The following SGCZ variants were observed in gnomAD, a reference collection of about 807,000 sequenced individuals.
The protein encoded by SGCZ is sarcoglycan zeta.
In SGCZ, 40 loss-of-function variants were observed where a neutral mutation model predicts 41.3. The ratio of observed to expected loss-of-function variants is 0.97; its 90% CI spans 0.75 to 1.26. SGCZ has a LOEUF of 1.26. Among genes scored for constraint, SGCZ ranks in the 50% most tolerant of loss-of-function variants. The probability of loss-of-function intolerance (pLI) is 0.00; values close to 1 mark genes in which losing one functional copy is unlikely to be tolerated. For synonymous variants in SGCZ, 206 were observed against 137.5 expected, an observed-to-expected ratio of 1.50 and a Z score of -3.49; for missense variants, 552 against 369.8, an observed-to-expected ratio of 1.49 and a Z score of -4.04.
chr8:14,923,549 G>A (rs1292098597), intron 1 of SGCZ, among the ~76,000 whole-genome samples: 1 of 152,060 alleles, frequency 6.6e-6, no homozygotes. Flanking sequence ...TATTCATGGT[G>A]TCCCTATCTG....
chr8:14,411,344 A>G (rs1317060821), intron 2 of SGCZ, among the ~76,000 whole-genome samples: 1 of 152,188 alleles, frequency 6.6e-6, no homozygotes, highest in Non-Finnish European at 1.5e-5. Context: ...GTTTTTAGTC[A>G]TCAGATATAT....
intron 1 of SGCZ, among the ~76,000 whole-genome samples, chr8:14,831,924 T>C (rs973958624): frequency 5.9e-5 from 9 of 151,754 alleles, no homozygotes; most frequent in Non-Finnish European, 1.0e-4. Flanking sequence ...AAACAGTACA[T>C]ACACCTAATT....
intron 3 of SGCZ, among the ~76,000 whole-genome samples, chr8:14,277,139 TCA>T (rs1282717028): frequency 1.3e-5 from 2 of 152,192 alleles, no homozygotes; most frequent in Non-Finnish European, 2.9e-5. Context: ...TGGTTTCCTC[TCA>T]CATATTAAAT....
intron 1 of SGCZ, among the ~76,000 whole-genome samples, chr8:14,908,536 G>T (rs1051454848): frequency 2.0e-5 from 3 of 152,120 alleles, no homozygotes; most frequent in Non-Finnish European, 2.9e-5. Flanking sequence ...AGGATCACGA[G>T]ATCAGCAGTT....
intron 1 of SGCZ, among the ~76,000 whole-genome samples, chr8:14,813,906 T>C (rs569270809): frequency 9.8e-5 from 15 of 152,286 alleles, no homozygotes; most frequent in African/African-American, 2.9e-4. Flanking sequence ...TGAGCCAAGA[T>C]AGTGCCACTG....
chr8:14,156,559 A>C (rs781171389), intron 5 of SGCZ, among the ~76,000 whole-genome samples: 3 of 152,214 alleles, frequency 2.0e-5, no homozygotes, highest in Non-Finnish European at 4.4e-5. Context: ...TAATTTTTAA[A>C]AACTTTTTGA....
chr8:15,148,002 T>C (rs1799082072), intron 1 of SGCZ, among the ~76,000 whole-genome samples: 1 of 152,212 alleles, frequency 6.6e-6, no homozygotes, highest in South Asian at 2.1e-4. Context: ...ACTTCCATTG[T>C]GGTCCTGTGG....
At chr8:14,253,811 A>G (rs1451757178) in intron 3 of SGCZ, among the ~76,000 whole-genome samples, 1 of 152,110 alleles carries the variant, frequency 6.6e-6, no homozygotes, top group Non-Finnish European at 1.5e-5. Flanking sequence ...TCTAATAAAC[A>G]TTAGCAAATA....
At chr8:14,243,463 T>C (rs2117185193) in intron 3 of SGCZ, among the ~76,000 whole-genome samples, 1 of 152,320 alleles carries the variant, frequency 6.6e-6, no homozygotes, top group East Asian at 1.9e-4. Context: ...AAAATACTTT[T>C]AAAACATATT....
intron 1 of SGCZ, among the ~76,000 whole-genome samples, chr8:14,910,928 AC>A (rs1799263549): frequency 6.6e-6 from 1 of 152,162 alleles, no homozygotes; most frequent in East Asian, 1.9e-4. Flanking sequence ...AGATATACTA[AC>A]AAACATATTC....
intron 3 of SGCZ, among the ~76,000 whole-genome samples, chr8:14,253,084 G>C (rs1310459041): frequency 2.0e-5 from 3 of 152,228 alleles, no homozygotes; most frequent in South Asian, 4.1e-4. Context: ...AAGAAGGCTA[G>C]AGTATGGAGG....
intron 1 of SGCZ, among the ~76,000 whole-genome samples, chr8:14,656,039 C>A (rs998685394): frequency 6.6e-5 from 10 of 152,136 alleles, no homozygotes; most frequent in Admixed American, 6.5e-4. Flanking sequence ...AGTTTGAGCT[C>A]TTACAGATAA....
intron 1 of SGCZ, among the ~76,000 whole-genome samples, chr8:15,108,369 G>C (rs1314855135): frequency 6.6e-6 from 1 of 152,130 alleles, no homozygotes; most frequent in East Asian, 1.9e-4. Context: ...GCTTCTCGCT[G>C]AATGTCCTGA....
At chr8:15,022,376 G>T (rs1013914358) in intron 1 of SGCZ, among the ~76,000 whole-genome samples, 3 of 151,808 alleles carry the variant, frequency 2.0e-5, no homozygotes, top group African/African-American at 7.3e-5. Flanking sequence ...ACAGAGTCTT[G>T]CTCTGTCACC....
chr8:14,601,952 C>G (rs920614874), intron 1 of SGCZ, among the ~76,000 whole-genome samples: 1 of 151,992 alleles, frequency 6.6e-6, no homozygotes, highest in Non-Finnish European at 1.5e-5. Context: ...AACCCCGTCT[C>G]TACTGAAAAC....
intron 1 of SGCZ, among the ~76,000 whole-genome samples, chr8:15,177,270 G>C (rs1352258234): frequency 6.6e-6 from 1 of 152,160 alleles, no homozygotes. Flanking sequence ...TCAGATGGTC[G>C]AAATTATGCC....
At chr8:14,480,530 A>G (rs955085507) in intron 2 of SGCZ, among the ~76,000 whole-genome samples, 2 of 152,132 alleles carry the variant, frequency 1.3e-5, no homozygotes, top group African/African-American at 4.8e-5. Context: ...TATGCTTATA[A>G]CTACCACGTA....
At chr8:14,715,445 T>C (rs1185705228) in intron 1 of SGCZ, among the ~76,000 whole-genome samples, 1 of 152,040 alleles carries the variant, frequency 6.6e-6, no homozygotes, top group African/African-American at 2.4e-5. Flanking sequence ...CCCACCTATC[T>C]ATGGCATAAA....
intron 1 of SGCZ, among the ~76,000 whole-genome samples, chr8:14,617,613 G>C (rs1456187050): frequency 6.6e-6 from 1 of 152,114 alleles, no homozygotes. Context: ...GAAATTCAGA[G>C]AACAGAGAAC....
Sources: gnomAD v4.1 joint callset for allele counts (sites outside exome capture counted in the v4.1 genomes callset) on GRCh38, gnomAD v4.1.1 for gene constraint, MANE v1.5 for transcripts, NCBI Gene and HGNC (gene_info 2026-07-23, HGNC 2026-07-21) for gene names.